KDM5C: variants seen among roughly 807,000 people sequenced by gnomAD.
KDM5C encodes the protein lysine-specific demethylase 5C.
Under a neutral mutation model 110.6 loss-of-function variants are expected in KDM5C, and 16 were observed. The observed-to-expected ratio is 0.14, with a 90% confidence interval of 0.10 to 0.22. The LOEUF (loss-of-function observed/expected upper bound fraction) is 0.22, where lower values mean the gene tolerates loss of function less well. KDM5C is among the 10% of genes least tolerant of loss of function. The pLI, the probability that KDM5C is intolerant of heterozygous loss-of-function variation, is 1.00. For synonymous variants in KDM5C, 511 were observed against 520.4 expected (o/e 0.98, Z 0.24); for missense variants, 681 against 1,300.9 (o/e 0.52, Z 7.33).
At chrX:53,207,599 G>A (rs1350391151) in intron 12 of KDM5C, among the ~76,000 whole-genome samples, 2 of 112,077 alleles carry the variant, frequency 1.8e-5, no homozygotes, top group Middle Eastern at 4.6e-3. Context: ...ACAGTGGAGA[G>A]AATAGGGGCG....
intron 10 of KDM5C, 112 bp from the exon 11 acceptor site, chrX:53,210,969 T>A: frequency 1.5e-6 from 1 of 663,788 alleles, no homozygotes; most frequent in Non-Finnish European, 2.4e-6. Flanking sequence ...GAGACTTTTT[T>A]GAAACATCTT....
At chrX:53,178,048 G>A (rs1933928758) in intron 25 of KDM5C, among the ~76,000 whole-genome samples, 1 of 111,121 alleles carries the variant, frequency 9.0e-6, no homozygotes, top group Admixed American at 9.6e-5. Context: ...TGTTGAGACA[G>A]GGTCTCACTA....
downstream of KDM5C, among the ~76,000 whole-genome samples, chrX:53,189,651 T>C (rs190289663): frequency 3.6e-5 from 4 of 112,629 alleles, no homozygotes; most frequent in Admixed American, 3.7e-4. Context: ...GGTGGTATCC[T>C]GTACCACTGG....
At position 53,193,775 on chromosome X, in the gene KDM5C, C is replaced by T; in HGVS notation, c.4115G>A (p.Arg1372Lys). The change falls in exon 24 of 26, where the codon AGA (arginine) becomes AAA (lysine). Residue 1372 changes from arginine to lysine, a missense_variant and splice_region_variant. By Grantham distance (26) the Arg-to-Lys change is conservative (BLOSUM62 2). Around this residue, in one of 14 missense-constraint regions of KDM5C, gnomAD observed 88 missense variants for 85.6 expected, o/e 1.03. Transcript: ENST00000375401. The part of the protein sequence containing the change: ...KVAPEEGSGK[R>K]DLELLSSLLP... ...ACCCACACCACACCTAGACCTACCT[C>T]TCTTACCTGAGCCCTCCTCCGGGGC... 3 of 1,208,881 alleles carry T rather than the reference C, an allele frequency of 2.5e-6. No individual in the cohort carries two copies. The highest frequency in any genetic ancestry group is 3.4e-6 in the Non-Finnish European group (3 of 892,677).
rs144438307 is a variant in KDM5C at position 53,180,665 on chromosome X, C to T, written c.4309-4043G>A. ...GCAAACTCTGCCTCCGGGGTTCAAG[C>T]GATTATCTTGCCTCAGCCACCCGAG... On this transcript the variant is annotated intron_variant, in intron 25 of 25. Transcript: ENST00000685641. 8.6e-5 allele frequency among the ~76,000 whole-genome samples: 9 copies of T among 104,263 alleles called. No individual in the cohort carries two copies. The East Asian group carries it at 9.1e-4, about 11-fold the overall frequency. The allele number at this position is 104,263 out of a possible 115,157, so 90.5% of individuals were successfully genotyped here.
At chrX:53,197,095 G>C (rs1556838043) in intron 18 of KDM5C, 51 bp from the exon 19 acceptor site, 2 of 963,995 alleles carry the variant, frequency 2.1e-6, no homozygotes, top group African/African-American at 1.9e-5. Flanking sequence ...CCCACTGAGG[G>C]GTTCCACCAC....
chrX:53,198,186 G>C (rs1047173670), intron 17 of KDM5C, among the ~76,000 whole-genome samples: 8 of 111,547 alleles, frequency 7.2e-5, no homozygotes, highest in Non-Finnish European at 1.3e-4. Context: ...TTACCCGTAA[G>C]CCTCCCACAA....
At chrX:53,185,018 T>C (rs1250938243) in intron 25 of KDM5C, among the ~76,000 whole-genome samples, 1 of 112,451 alleles carries the variant, frequency 8.9e-6, no homozygotes, top group Non-Finnish European at 1.9e-5. Context: ...ATAAGAATGT[T>C]GGAATCGATT....
At position 53,193,824 on chromosome X, in the gene KDM5C, T is replaced by C; in HGVS notation, c.4066A>G (p.Ser1356Gly). 1 of 1,211,156 alleles carries C rather than the reference T, an allele frequency of 8.3e-7. No homozygotes were observed. The highest frequency in any genetic ancestry group is 1.8e-5 in the South Asian group (1 of 56,947). The change falls in exon 24 of 26, where the codon AGT (serine) becomes GGT (glycine). Residue 1356 changes from serine to glycine, a missense_variant. Ser to Gly is a moderately conservative substitution (Grantham distance 56, BLOSUM62 0). Around this residue, in one of 14 missense-constraint regions of KDM5C, gnomAD observed 88 missense variants for 85.6 expected, o/e 1.03. Coordinates refer to ENST00000375401, the MANE Select transcript of KDM5C (RefSeq NM_004187.5). ...GCTACCTTCTCAGGACTGGTCACACTGTCTCCATTCTCCAGTAAGCCCTGG... is the reference window on the plus strand; with the variant it reads ...GCTACCTTCTCAGGACTGGTCACACCGTCTCCATTCTCCAGTAAGCCCTGG... ...KVQGLLENGDSVTSPEKVAPE... is the reference protein window; with the variant it reads ...KVQGLLENGDGVTSPEKVAPE...
chrX:53,217,101 C>T (rs782605952), intron 5 of KDM5C, 42 bp downstream of exon 5: 12 of 1,179,679 alleles, frequency 1.0e-5, no homozygotes, highest in African/African-American at 7.1e-5. Flanking sequence ...AGAGGACTCC[C>T]TCCACCTCAA....
chrX:53,224,726 G>GT lies in KDM5C; in HGVS notation c.150+13_150+14insA. ...TCCGTCTCGCCGCCGGCGAAAACCG[G>GT]CCCCGGGGCTTACCGCGGGTGGGCG... On this transcript the variant is annotated intron_variant, in intron 1 of 25. Coordinates refer to ENST00000375401, the MANE Select transcript of KDM5C (RefSeq NM_004187.5). 1 of 1,211,548 alleles carries GT rather than the reference G, an allele frequency of 8.3e-7. No individual in the cohort carries two copies. The highest frequency in any genetic ancestry group is 1.1e-6 in the Non-Finnish European group (1 of 895,114).
chrX:53,191,264 G>A (rs782759235), downstream of KDM5C: 44 of 169,097 alleles, frequency 2.6e-4, no homozygotes, highest in Non-Finnish European at 3.8e-4. Flanking sequence ...AACTACTATG[G>A]GACCATTAAT....
chrX:53,194,896 A>C, intron 22 of KDM5C, 35 bp downstream of exon 22: 1 of 1,207,448 alleles, frequency 8.3e-7, no homozygotes, highest in African/African-American at 1.7e-5. Flanking sequence ...TATCATCACC[A>C]AGCCCTTCTC....
downstream of KDM5C, chrX:53,191,935 C>A (rs141539936): frequency 5.7e-6 from 1 of 173,964 alleles, no homozygotes; most frequent in Admixed American, 7.9e-5. Context: ...GGTGAGGGGG[C>A]CCGAGCCCAT....
intron 12 of KDM5C, among the ~76,000 whole-genome samples, chrX:53,205,661 G>T (rs1246676557): frequency 8.9e-6 from 1 of 111,776 alleles, no homozygotes; most frequent in Non-Finnish European, 1.9e-5. Context: ...CTTCCTAAAT[G>T]ACCTAGTTTG....
intron 1 of KDM5C, 148 bp downstream of exon 1, chrX:53,224,592 A>G: frequency 1.4e-6 from 1 of 700,458 alleles, no homozygotes; most frequent in Admixed American, 2.9e-5. Context: ...CTGGCCCAAC[A>G]CCCTTTTTCC....
chrX:53,181,500 C>T (rs1934047550), intron 25 of KDM5C, among the ~76,000 whole-genome samples: 1 of 109,705 alleles, frequency 9.1e-6, no homozygotes, highest in African/African-American at 3.3e-5. Context: ...TTTCAAGATC[C>T]ACCCGTATCA....
At chrX:53,217,332 A>AT in intron 4 of KDM5C, 55 bp from the exon 5 acceptor site, 2 of 1,188,697 alleles carry the variant, frequency 1.7e-6, no homozygotes, top group Non-Finnish European at 2.3e-6. Context: ...CGCAAAAGCA[A>AT]TAACTTCCCT....
At chrX:53,208,805 CTTTTTTTTTTTTT>C (rs782216325) in intron 12 of KDM5C, among the ~76,000 whole-genome samples, 50 of 22,171 alleles carry the variant, frequency 2.3e-3, no homozygotes, top group Non-Finnish European at 3.5e-3. Context: ...ACACCCGGCT[CTTTTTTTTTTTTT>C]TTTTTTTTTT....
Sources: allele counts gnomAD v4.1 joint callset (sites outside exome capture counted in the v4.1 genomes callset), GRCh38; gene constraint gnomAD v4.1.1; regional missense constraint gnomAD v4.1.1; transcripts MANE v1.5; gene names NCBI Gene and HGNC (gene_info 2026-07-23, HGNC 2026-07-21).